The following ZNF469 variants were observed in gnomAD, a reference collection of about 807,000 sequenced individuals.
The protein encoded by ZNF469 is zinc finger protein 469.
ZNF469 carries 1 observed loss-of-function variant against 1.0 expected under a neutral mutation model. The ratio of observed to expected loss-of-function variants is 1.00; its 90% CI spans 0.35 to 4.73. ZNF469 has a LOEUF of 4.73. Ranked by LOEUF, ZNF469 falls within the 30% of genes most tolerant of loss-of-function variation. The probability of loss-of-function intolerance (pLI) is 0.16; values close to 1 mark genes in which losing one functional copy is unlikely to be tolerated. For synonymous variants in ZNF469, 2,703 were observed against 2,363.4 expected (o/e 1.14, Z -4.17); for missense variants, 6,100 against 5,356.3 (o/e 1.14, Z -4.33).
the ZNF469 span, among the ~76,000 whole-genome samples, chr16:88,159,100 C>A: frequency 1.4e-4 from 20 of 143,606 alleles, no homozygotes; most frequent in African/African-American, 5.0e-4. Flanking sequence ...GTCCTGGTCA[C>A]GGATGCTCAC....
chr16:88,428,829 G>A lies in ZNF469; in HGVS notation c.1359G>A (p.Gly453=). The A allele has an allele frequency of 3.9e-6, 6 of 1,547,848 alleles. No individual in the cohort carries two copies. Among genetic ancestry groups the A allele is most frequent in the South Asian group, 1.2e-5 (1 of 84,028 alleles). The change falls in exon 3 of 3, where the codon GGG becomes GGA. Residue 453 remains glycine (G), a synonymous_variant. Transcript: ENST00000565624. ...PTAAPYPTPP[G]GPLAATRSMF... Reference sequence around the variant, plus strand: ...CAGCCCCTTACCCCACACCTCCTGGGGGCCCCCTGGCTGCCACCAGGAGTA... The same window carrying A: ...CAGCCCCTTACCCCACACCTCCTGGAGGCCCCCTGGCTGCCACCAGGAGTA...
At chr16:88,283,729 C>G in the ZNF469 span, among the ~76,000 whole-genome samples, 4 of 152,358 alleles carry the variant, frequency 2.6e-5, no homozygotes, top group East Asian at 5.8e-4. Context: ...ACCAAGGTAG[C>G]TCAGCTGTGA....
the ZNF469 span, among the ~76,000 whole-genome samples, chr16:88,342,257 T>G: frequency 6.6e-6 from 1 of 151,932 alleles, no homozygotes; most frequent in Non-Finnish European, 1.5e-5. Flanking sequence ...GGGAGCTCAG[T>G]GTGGGGGTCC....
At chr16:88,185,860 C>T in the ZNF469 span, among the ~76,000 whole-genome samples, 1 of 151,600 alleles carries the variant, frequency 6.6e-6, no homozygotes, top group Non-Finnish European at 1.5e-5. Flanking sequence ...CACAGTCACA[C>T]GTGAATATAG....
the ZNF469 span, among the ~76,000 whole-genome samples, chr16:88,116,180 C>T: frequency 1.3e-5 from 2 of 152,238 alleles, no homozygotes; most frequent in Non-Finnish European, 2.9e-5. Flanking sequence ...GGGGGGTGCT[C>T]TTCCATGAAG....
the ZNF469 span, among the ~76,000 whole-genome samples, chr16:88,123,543 G>A: frequency 6.6e-6 from 1 of 152,226 alleles, no homozygotes; most frequent in South Asian, 2.1e-4. Context: ...GTCTTGGTGT[G>A]TGCCTGGGTT....
At chr16:88,202,674 C>G in the ZNF469 span, among the ~76,000 whole-genome samples, 2 of 152,194 alleles carry the variant, frequency 1.3e-5, no homozygotes, top group Non-Finnish European at 2.9e-5. Flanking sequence ...AACGTTGTGT[C>G]TGCATTTCCA....
the ZNF469 span, among the ~76,000 whole-genome samples, chr16:88,300,463 G>A: frequency 1.3e-5 from 2 of 151,952 alleles, no homozygotes; most frequent in East Asian, 1.9e-4. Context: ...GCATCCCCCA[G>A]GGCCCCGACA....
the ZNF469 span, among the ~76,000 whole-genome samples, chr16:88,181,157 G>A: frequency 3.4e-4 from 51 of 149,418 alleles, no homozygotes; most frequent in African/African-American, 1.1e-3. Context: ...TGCAAGCTCC[G>A]CCTCCCAGCT....
the ZNF469 span, among the ~76,000 whole-genome samples, chr16:88,165,288 C>T: frequency 1.3e-5 from 2 of 152,276 alleles, no homozygotes; most frequent in Non-Finnish European, 2.9e-5. Context: ...CTCCCAATGC[C>T]CAGCTCACGC....
chr16:88,121,587 G>C, the ZNF469 span, among the ~76,000 whole-genome samples: 1 of 152,174 alleles, frequency 6.6e-6, no homozygotes, highest in Non-Finnish European at 1.5e-5. Context: ...CCGGCCCTGG[G>C]CCACTGTGAG....
chr16:88,112,867 T>C, the ZNF469 span, among the ~76,000 whole-genome samples: 1 of 136,556 alleles, frequency 7.3e-6, no homozygotes, highest in Non-Finnish European at 1.5e-5. Flanking sequence ...AAGCTCTGCC[T>C]CCCGGGTTTG....
chr16:88,436,892 C>G lies in ZNF469; in HGVS notation c.9422C>G (p.Pro3141Arg). The G allele has an allele frequency of 6.7e-7, 1 of 1,503,508 alleles. No individual in the cohort carries two copies. Among genetic ancestry groups the G allele is most frequent in the Non-Finnish European group, 8.9e-7 (1 of 1,128,882 alleles). 93.1% of individuals were successfully genotyped at this position (1,503,508 alleles called of 1,614,324 possible). A position where few individuals can be genotyped will look rare whatever the true frequency, so the allele number is the denominator to read the frequency against. ...CACAAGCTGGCCCACACGCCCGCGC[C>G]GCCGCCCACCTGCTACATGTGCGTG... ...DLHKLAHTPA[P>R]PPTCYMCVER... The change falls in exon 3 of 3, where the codon CCG (proline) becomes CGG (arginine). Residue 3141 changes from proline (P) to arginine (R), a missense_variant. Transcript: ENST00000565624.
the ZNF469 span, among the ~76,000 whole-genome samples, chr16:88,290,167 C>T: frequency 2.0e-5 from 3 of 152,346 alleles, no homozygotes; most frequent in East Asian, 5.8e-4. Flanking sequence ...CGGCTTAGCA[C>T]GCCAGCAGGA....
chr16:88,369,430 T>C, the ZNF469 span, among the ~76,000 whole-genome samples: 4 of 152,348 alleles, frequency 2.6e-5, no homozygotes, highest in South Asian at 2.1e-4. Flanking sequence ...GGGGTCTGTG[T>C]GGCCTTCTCT....
At chr16:88,200,365 A>G in the ZNF469 span, among the ~76,000 whole-genome samples, 1,113 of 152,318 alleles carry the variant, frequency 7.3e-3, 17 homozygotes, top group African/African-American at 0.025. Flanking sequence ...CAGAGCTGGA[A>G]GGAGCTGAGA....
chr16:88,319,810 A>G, the ZNF469 span, among the ~76,000 whole-genome samples: 15 of 152,204 alleles, frequency 9.9e-5, no homozygotes, highest in African/African-American at 2.7e-4. Flanking sequence ...CCCCTGCCCT[A>G]CAGGTGGGAC....
the ZNF469 span, among the ~76,000 whole-genome samples, chr16:88,104,652 C>T: frequency 6.6e-6 from 1 of 152,256 alleles, no homozygotes; most frequent in Admixed American, 6.5e-5. Context: ...GCCTGCACCA[C>T]CCCAGATGTT....
chr16:88,433,628 A>C lies in ZNF469; in HGVS notation c.6158A>C (p.Glu2053Ala), dbSNP rs1033090997. ...GCCATGAGCCTTCAGGAGGAGGCCGAGCCCACCCCAAGCCCCCCGTCCCCT... is the reference window on the plus strand; with the variant it reads ...GCCATGAGCCTTCAGGAGGAGGCCGCGCCCACCCCAAGCCCCCCGTCCCCT... ...RAAMSLQEEA[E>A]PTPSPPSPNR... Residue 2053 changes from glutamate to alanine, a missense_variant, in exon 3 of 3, where the codon GAG (glutamate) becomes GCG (alanine). Glu to Ala is a moderately radical substitution (Grantham distance 107). Coordinates refer to ENST00000565624, the MANE Select transcript of ZNF469 (RefSeq NM_001367624.2). The C allele has an allele frequency of 6.5e-7, 1 of 1,550,258 alleles. No homozygotes were observed. The highest frequency in any genetic ancestry group is 8.7e-7 in the Non-Finnish European group (1 of 1,146,918).
Sources: gnomAD v4.1 joint callset for allele counts (sites outside exome capture counted in the v4.1 genomes callset) on GRCh38, gnomAD v4.1.1 for gene constraint, MANE v1.5 for transcripts, NCBI Gene and HGNC (gene_info 2026-07-23, HGNC 2026-07-21) for gene names.